Variants in VPS50 observed in about 807,000 individuals in gnomAD.
The protein encoded by VPS50 is syndetin.
VPS50 carries 70 observed loss-of-function variants against 139.7 expected under a neutral mutation model. The ratio of observed to expected loss-of-function variants is 0.50; its 90% CI spans 0.41 to 0.61. VPS50 has a LOEUF of 0.61. Ranked by LOEUF, VPS50 falls within the 20% of genes least tolerant of loss-of-function variation. The probability of loss-of-function intolerance (pLI) is 0.00; values close to 1 mark genes in which losing one functional copy is unlikely to be tolerated. For missense variants in VPS50, 921 were observed against 1,133.7 expected (o/e 0.81, Z 2.69); for synonymous variants, 365 against 376.7 (o/e 0.97, Z 0.36).
intron 12 of VPS50, among the ~76,000 whole-genome samples, chr7:93,276,581 A>C (rs1796161231): frequency 6.6e-6 from 1 of 152,128 alleles, no homozygotes; most frequent in East Asian, 1.9e-4. Context: ...TCAGGCTCCA[A>C]ATTATCTCTT....
chr7:93,302,870 A>ATT (rs1409667729), intron 16 of VPS50, among the ~76,000 whole-genome samples: 9 of 152,094 alleles, frequency 5.9e-5, no homozygotes, highest in Non-Finnish European at 1.0e-4. Context: ...AATAGCATTA[A>ATT]AGAAAGAAAA....
In VPS50 at chr7:93,296,856, C is replaced by T. The variant is rs773382752; in HGVS notation, c.1262+20C>T. 6.4e-7 allele frequency: 1 copy of T among 1,574,426 alleles called. No homozygotes were observed. Among genetic ancestry groups the T allele is most frequent in the South Asian group, 1.2e-5 (1 of 84,738 alleles). On this transcript the variant is annotated intron_variant, in intron 15 of 27. Transcript: ENST00000305866. ...CAGCAGGTAGTATTTAAGATCTTGTCTTATTCTTTAGTTTGAGTCATTCAA... is the reference window on the plus strand; with the variant it reads ...CAGCAGGTAGTATTTAAGATCTTGTTTTATTCTTTAGTTTGAGTCATTCAA...
chr7:93,315,742 T>C (rs1440699067), intron 20 of VPS50, among the ~76,000 whole-genome samples: 3 of 152,208 alleles, frequency 2.0e-5, no homozygotes, highest in Non-Finnish European at 4.4e-5. Context: ...CTCATTTTTA[T>C]ATAATAAGGA....
At chr7:93,262,116 G>C (rs372810888) in intron 9 of VPS50, among the ~76,000 whole-genome samples, 2 of 152,156 alleles carry the variant, frequency 1.3e-5, no homozygotes, top group East Asian at 3.9e-4. Context: ...AATATACTAA[G>C]GCTTTGCAGG....
intron 9 of VPS50, among the ~76,000 whole-genome samples, chr7:93,262,802 C>T (rs1046905054): frequency 1.6e-4 from 25 of 152,162 alleles, no homozygotes; most frequent in Non-Finnish European, 1.0e-4. Context: ...CTTTGCCAGC[C>T]ACCATTCACC....
intron 9 of VPS50, among the ~76,000 whole-genome samples, chr7:93,270,216 A>G (rs1309751902): frequency 6.6e-6 from 1 of 151,914 alleles, no homozygotes; most frequent in Admixed American, 6.6e-5. Flanking sequence ...GTAAGCTTTT[A>G]TAAAGTAAAC....
chr7:93,299,845 C>G (rs903809310), intron 16 of VPS50, among the ~76,000 whole-genome samples: 1 of 152,068 alleles, frequency 6.6e-6, no homozygotes, highest in Non-Finnish European at 1.5e-5. Flanking sequence ...CAAAGAACAT[C>G]GTTCTGTCAG....
chr7:93,359,228 T>C lies in VPS50; in HGVS notation c.*792T>C, dbSNP rs925441692. Reference sequence around the variant, plus strand: ...TCTTTTATCTTTCTTTATAAAAATATGTGGTTTTTTTGTTGAAAGTTTTGG... The same window carrying C: ...TCTTTTATCTTTCTTTATAAAAATACGTGGTTTTTTTGTTGAAAGTTTTGG... On this transcript the variant is annotated 3_prime_UTR_variant, in exon 28 of 28. Coordinates refer to ENST00000305866, the MANE Select transcript of VPS50 (RefSeq NM_017667.4). The C allele has an allele frequency of 7.2e-5, 11 of 152,138 alleles. No homozygotes were observed. The highest frequency in any genetic ancestry group is 2.6e-4 in the Admixed American group (4 of 15,242). The allele number at this position is 152,138 out of a possible 1,614,324, so 9.4% of individuals were successfully genotyped here. A position where few individuals can be genotyped will look rare whatever the true frequency, so the allele number is the denominator to read the frequency against.
chr7:93,263,689 G>T (rs1795754719), intron 9 of VPS50, among the ~76,000 whole-genome samples: 1 of 152,106 alleles, frequency 6.6e-6, no homozygotes, highest in African/African-American at 2.4e-5. Flanking sequence ...TTACATATTT[G>T]CTTCTGCATA....
At chr7:93,358,245 C>T in intron 27 of VPS50, 72 bp from the exon 28 acceptor site, 1 of 1,388,032 alleles carries the variant, frequency 7.2e-7, no homozygotes, top group Non-Finnish European at 1.0e-6. Flanking sequence ...GAATATCCGC[C>T]TGTTCTTTTG....
At chr7:93,270,937 CTG>C (rs1795985781) in intron 9 of VPS50, 1 of 262,932 alleles carries the variant, frequency 3.8e-6, no homozygotes. Flanking sequence ...TATAGACACA[CTG>C]TTTATGTAAA....
chr7:93,249,040 T>C (rs922177797), intron 2 of VPS50, among the ~76,000 whole-genome samples: 1 of 152,096 alleles, frequency 6.6e-6, no homozygotes, highest in African/African-American at 2.4e-5. Flanking sequence ...TTCCTTTCCT[T>C]AGTCCAGGTT....
chr7:93,296,524 ATTCAG>A (rs1796815216), intron 14 of VPS50, among the ~76,000 whole-genome samples: 2 of 152,296 alleles, frequency 1.3e-5, no homozygotes, highest in Middle Eastern at 3.4e-3. Context: ...GCTACTTTCC[ATTCAG>A]TTTGGCAACC....
At position 93,259,490 on chromosome 7, in the gene VPS50, A is replaced by G. The variant is rs1211805385; in HGVS notation, c.577-60A>G. ...AGAATATGAACAGAGATTTTTTTTT[A>G]TCAGGGGCTTTAAGAAAAAATGTTT... On this transcript the variant is annotated intron_variant, in intron 8 of 27. Transcript: ENST00000305866. 2.2e-5 allele frequency: 19 copies of G among 852,654 alleles called. 1 individual carries two copies. The highest frequency in any genetic ancestry group is 3.7e-5 in the Non-Finnish European group (19 of 517,402). The allele number at this position is 852,654 out of a possible 1,614,324, so 52.8% of individuals were successfully genotyped here. A position where few individuals can be genotyped will look rare whatever the true frequency, so the allele number is the denominator to read the frequency against.
intron 16 of VPS50, among the ~76,000 whole-genome samples, chr7:93,300,773 ATGT>A (rs1403130974): frequency 1.3e-5 from 2 of 151,744 alleles, no homozygotes; most frequent in African/African-American, 4.8e-5. Flanking sequence ...GCTGTTGTTG[ATGT>A]TGTTTTACTA....
chr7:93,339,483 T>C (rs908298973), intron 22 of VPS50, among the ~76,000 whole-genome samples: 22 of 152,232 alleles, frequency 1.4e-4, no homozygotes, highest in Non-Finnish European at 2.5e-4. Flanking sequence ...TGGAGATTTG[T>C]TACTATCAAG....
rs186256117 is a variant in VPS50 at position 93,289,423 on chromosome 7, C to T, written c.943-2280C>T. ...TCTATATAAATGTGGAATATCAGCT[C>T]TTTATTGTGAATATATGTTGTGAAT... On this transcript the variant is annotated intron_variant, in intron 12 of 27. Transcript: ENST00000305866. Among the ~76,000 whole-genome samples the T allele has an allele frequency of 1.8e-3, 267 of 151,976 alleles. 1 individual carries two copies. The highest frequency in any genetic ancestry group is 6.2e-3 in the African/African-American group (258 of 41,458).
At chr7:93,323,839 G>C in intron 21 of VPS50, 107 bp downstream of exon 21, 1 of 510,652 alleles carries the variant, frequency 2.0e-6, no homozygotes, top group Non-Finnish European at 3.1e-6. Context: ...CATTATTTTG[G>C]GGATTATGCA....
chr7:93,267,067 T>A (rs1334312383), intron 9 of VPS50, among the ~76,000 whole-genome samples: 1 of 152,230 alleles, frequency 6.6e-6, no homozygotes, highest in Admixed American at 6.5e-5. Context: ...TATTATAATT[T>A]CATAAACCAA....
Sources: allele counts gnomAD v4.1 joint callset (sites outside exome capture counted in the v4.1 genomes callset), GRCh38; gene constraint gnomAD v4.1.1; transcripts MANE v1.5; gene names NCBI Gene and HGNC (gene_info 2026-07-23, HGNC 2026-07-21).